Variants in CEP63 observed in about 807,000 individuals in gnomAD.
CEP63 encodes the protein centrosomal protein of 63 kDa.
Under a neutral mutation model 89.1 loss-of-function variants are expected in CEP63, and 84 were observed. The observed-to-expected ratio is 0.94, with a 90% CI of 0.79 to 1.13. The LOEUF is 1.13. CEP63 is among the 50% of genes most tolerant of loss of function. The pLI, the probability that CEP63 is intolerant of heterozygous loss-of-function variation, is 0.00. For missense variants in CEP63, 838 were observed against 813.3 expected (o/e 1.03, Z -0.37); for synonymous variants, 267 against 272.5 (o/e 0.98, Z 0.20).
At chr3:134,616,141 G>A in the CEP63 span, among the ~76,000 whole-genome samples, 1 of 152,162 alleles carries the variant, frequency 6.6e-6, no homozygotes, top group Admixed American at 6.5e-5. Flanking sequence ...GCAGGCAACT[G>A]AGGCAAAAAG....
rs66539157 is a variant in CEP63 at position 134,538,198 on chromosome 3, G to GTT, written c.555+949_555+950dup. ...TAAGTTGAAATAGCTAGAAGGGAGG[G>GTT]TTTTTTTTTTTTTTTTTTTTGGCTT... On this transcript the variant is annotated intron_variant, in intron 6 of 14. Transcript: ENST00000675561. Among the ~76,000 whole-genome samples, 434 of 112,564 alleles carry GTT rather than the reference G, an allele frequency of 3.9e-3. 4 individuals carry two copies. The highest frequency in any genetic ancestry group is 0.012 in the African/African-American group (364 of 29,666). The allele number at this position is 112,564 out of a possible 152,430, so 73.8% of individuals were successfully genotyped here.
chr3:134,637,995 C>T, the CEP63 span, among the ~76,000 whole-genome samples: 2 of 152,218 alleles, frequency 1.3e-5, no homozygotes, highest in Non-Finnish European at 2.9e-5. Context: ...GGGTCAATGT[C>T]CAATATTTTC....
the CEP63 span, among the ~76,000 whole-genome samples, chr3:134,763,293 A>C: frequency 2.6e-5 from 4 of 151,946 alleles, no homozygotes; most frequent in African/African-American, 9.7e-5. Flanking sequence ...ATGTATTCTC[A>C]TTGTTCAATT....
At chr3:134,651,082 C>T in the CEP63 span, 10 of 1,531,080 alleles carry the variant, frequency 6.5e-6, no homozygotes, top group African/African-American at 1.2e-4. Flanking sequence ...GAGGGCGCTC[C>T]CCCGCCGCTG....
the CEP63 span, among the ~76,000 whole-genome samples, chr3:134,757,423 C>G: frequency 6.6e-6 from 1 of 152,178 alleles, no homozygotes; most frequent in Non-Finnish European, 1.5e-5. Flanking sequence ...CAGTTAGACT[C>G]TGGGCTAAAA....
At chr3:134,524,316 TC>T (rs1283595173) in intron 3 of CEP63, among the ~76,000 whole-genome samples, 3 of 152,196 alleles carry the variant, frequency 2.0e-5, no homozygotes, top group Non-Finnish European at 4.4e-5. Flanking sequence ...AGATAGAGGA[TC>T]ATGTCGTCTA....
intron 6 of CEP63, among the ~76,000 whole-genome samples, chr3:134,543,766 C>G (rs902642750): frequency 6.6e-6 from 1 of 152,188 alleles, no homozygotes; most frequent in South Asian, 2.1e-4. Flanking sequence ...GCAAGCTGGG[C>G]TCTAACCCTT....
downstream of CEP63, among the ~76,000 whole-genome samples, chr3:134,577,475 C>G (rs1048940382): frequency 1.8e-5 from 2 of 110,846 alleles, no homozygotes; most frequent in African/African-American, 3.5e-5. Context: ...CTGGCTGTGT[C>G]ACCCAGGCTG....
the CEP63 span, among the ~76,000 whole-genome samples, chr3:134,671,557 C>T: frequency 1.3e-5 from 2 of 152,174 alleles, no homozygotes; most frequent in African/African-American, 2.4e-5. Flanking sequence ...CTTCCAGTGG[C>T]GAGCATGTGG....
the CEP63 span, among the ~76,000 whole-genome samples, chr3:134,741,987 A>AGTGTGTGT: frequency 2.9e-3 from 426 of 147,586 alleles, 4 homozygotes; most frequent in African/African-American, 9.9e-3. Context: ...CTGAGAGACC[A>AGTGTGTGT]GTGTGTGTGT....
intron 6 of CEP63, among the ~76,000 whole-genome samples, chr3:134,538,133 G>A (rs1245862928): frequency 6.7e-6 from 1 of 149,346 alleles, no homozygotes; most frequent in African/African-American, 2.5e-5. Flanking sequence ...GTCAAGGTTG[G>A]TAGTTATCTT....
the CEP63 span, chr3:134,643,443 A>G: frequency 2.1e-6 from 3 of 1,424,542 alleles, no homozygotes; most frequent in Admixed American, 1.7e-5. Flanking sequence ...CAGAGCAAAG[A>G]GCTGTATGTG....
At chr3:134,668,434 A>G in the CEP63 span, among the ~76,000 whole-genome samples, 1 of 152,180 alleles carries the variant, frequency 6.6e-6, no homozygotes, top group Non-Finnish European at 1.5e-5. Context: ...AGCTGAGGAT[A>G]GAGAAAGGCT....
chr3:134,682,710 C>T, the CEP63 span, among the ~76,000 whole-genome samples: 1 of 152,182 alleles, frequency 6.6e-6, no homozygotes, highest in African/African-American at 2.4e-5. Context: ...GGCATTCGTC[C>T]CATGCTTACT....
chr3:134,546,093 G>A (rs1953245275), intron 7 of CEP63, 56 bp from the exon 8 acceptor site: 4 of 1,582,694 alleles, frequency 2.5e-6, no homozygotes. Context: ...GTATTTTGCA[G>A]GTTCTGCAGG....
the CEP63 span, among the ~76,000 whole-genome samples, chr3:134,737,184 A>G: frequency 2.0e-5 from 3 of 152,234 alleles, no homozygotes; most frequent in African/African-American, 4.8e-5. Context: ...AAATTAAAAA[A>G]CACATTCAAT....
chr3:134,702,632 G>GA, the CEP63 span, among the ~76,000 whole-genome samples: 1 of 151,860 alleles, frequency 6.6e-6, no homozygotes, highest in African/African-American at 2.4e-5. Flanking sequence ...AAATTTACAA[G>GA]AAAAAAACAT....
At chr3:134,677,139 A>AGGCAGGAGAATTGCTTGAACCC in the CEP63 span, among the ~76,000 whole-genome samples, 1 of 151,750 alleles carries the variant, frequency 6.6e-6, no homozygotes, top group Non-Finnish European at 1.5e-5. Context: ...GAGGAAGCTG[A>AGGCAGGAGAATTGCTTGAACCC]GGCAGGAGAA....
rs149674663 is a variant in CEP63 at position 134,548,144 on chromosome 3, G to A, written c.1067+672G>A. ...TACGCTGTAACATCACCCATCTGGGGGAAAAACCATCCCTTAATCCTATGT... is the reference window on the plus strand; with the variant it reads ...TACGCTGTAACATCACCCATCTGGGAGAAAAACCATCCCTTAATCCTATGT... On this transcript the variant is annotated intron_variant, in intron 9 of 14. Coordinates refer to ENST00000675561, the MANE Select transcript of CEP63 (RefSeq NM_001353108.3). 1.6e-4 allele frequency among the ~76,000 whole-genome samples: 24 copies of A among 152,162 alleles called. No homozygotes were observed. In the East Asian group the frequency reaches 4.4e-3, roughly 28 times the overall value.
Sources: gnomAD v4.1 joint callset for allele counts (sites outside exome capture counted in the v4.1 genomes callset) on GRCh38, gnomAD v4.1.1 for gene constraint, MANE v1.5 for transcripts, NCBI Gene and HGNC (gene_info 2026-07-23, HGNC 2026-07-21) for gene names.